The following GRIK1 variants were observed in gnomAD, a reference collection of about 807,000 sequenced individuals.
The protein encoded by GRIK1 is glutamate ionotropic receptor kainate type subunit 1.
A neutral mutation model predicts 105.7 loss-of-function variants in GRIK1; 69 were observed. The ratio of observed to expected loss-of-function variants is 0.65; its 90% CI spans 0.54 to 0.80. The LOEUF is 0.80. GRIK1 is among the 30% of genes least tolerant of loss of function. The probability of loss-of-function intolerance (pLI) is 0.00; values close to 1 mark genes in which losing one functional copy is unlikely to be tolerated. For synonymous variants in GRIK1, 438 were observed against 431.3 expected (o/e 1.02, Z -0.19); for missense variants, 1,109 against 1,167.3 (o/e 0.95, Z 0.73).
At chr21:29,553,164 A>C in intron 16 of GRIK1, 1 of 957,780 alleles carries the variant, frequency 1.0e-6, no homozygotes, top group Non-Finnish European at 1.2e-6. Context: ...AGAGGAGGGA[A>C]CAAAGTTCAC....
In GRIK1 at chr21:29,537,238, C is replaced by A. The variant is rs779975228; in HGVS notation, c.2842G>T (p.Val948Leu). Residue 948 changes from valine (V) to leucine (L), a missense_variant, in exon 18 of 18, where the codon GTG becomes TTG. Transcript: ENST00000327783. The stretch of plus-strand genomic sequence containing the variant: ...ACAGGCGTTTCCTTGGATCACGCCA[C>A]AGTCTCTTTTCTCTGAGTTCGTCTC... ...HQRRTQRKET[V>L]A 2.9e-5 allele frequency: 46 copies of A among 1,601,448 alleles called. No individual in the cohort carries two copies. The highest frequency in any genetic ancestry group is 3.7e-5 in the Non-Finnish European group (43 of 1,175,592).
intron 3 of GRIK1, among the ~76,000 whole-genome samples, chr21:29,680,723 T>C (rs1420101296): frequency 6.6e-6 from 1 of 152,262 alleles, no homozygotes; most frequent in Non-Finnish European, 1.5e-5. Context: ...CATTTCATCA[T>C]TGTTGTTGTT....
intron 1 of GRIK1, among the ~76,000 whole-genome samples, chr21:29,706,066 GT>G (rs1169950487): frequency 6.6e-6 from 1 of 151,898 alleles, no homozygotes; most frequent in Non-Finnish European, 1.5e-5. Flanking sequence ...TGGAGATGGG[GT>G]TTTGCCATGT....
intron 1 of GRIK1, among the ~76,000 whole-genome samples, chr21:29,798,098 C>A (rs939695548): frequency 1.3e-5 from 2 of 152,178 alleles, no homozygotes; most frequent in Non-Finnish European, 2.9e-5. Flanking sequence ...GTCCTGAATA[C>A]CGACTGGAAG....
chr21:29,579,215 A>G (rs886725312), intron 13 of GRIK1, among the ~76,000 whole-genome samples: 22 of 152,226 alleles, frequency 1.4e-4, no homozygotes. Flanking sequence ...AACCCTTGTT[A>G]GATGGCATCA....
At chr21:29,756,556 C>T (rs1016238644) in intron 1 of GRIK1, among the ~76,000 whole-genome samples, 10 of 152,006 alleles carry the variant, frequency 6.6e-5, no homozygotes, top group African/African-American at 2.2e-4. Flanking sequence ...TTCTCAGGTT[C>T]ACGCCTGGGT....
At chr21:29,844,489 C>T (rs2068064628) in intron 1 of GRIK1, among the ~76,000 whole-genome samples, 2 of 152,184 alleles carry the variant, frequency 1.3e-5, no homozygotes, top group South Asian at 2.1e-4. Context: ...GAAAGAGATG[C>T]TGAAGTGAAA....
chr21:29,932,432 A>C (rs186652275), intron 1 of GRIK1, among the ~76,000 whole-genome samples: 1 of 152,286 alleles, frequency 6.6e-6, no homozygotes, highest in East Asian at 1.9e-4. Flanking sequence ...ATATTGTCCA[A>C]GTAACTTGGG....
rs758707069 is a variant in GRIK1, at chr21:29,596,579, T to A, written c.1207-9A>T. On this transcript the variant is annotated splice_polypyrimidine_tract_variant and intron_variant, in intron 8 of 17. Transcript: ENST00000327783. ...GACACTTCGCCAGCAGCCTTGGTTT[T>A]CAGAGAGAAAAATAAAATAAAAACA... 2 of 1,601,714 alleles carry A rather than the reference T, an allele frequency of 1.2e-6. No individual in the cohort carries two copies. The highest frequency in any genetic ancestry group is 4.5e-5 in the East Asian group (2 of 44,812).
intron 7 of GRIK1, among the ~76,000 whole-genome samples, chr21:29,620,631 T>G (rs2061962662): frequency 1.3e-5 from 2 of 150,542 alleles, no homozygotes; most frequent in South Asian, 4.2e-4. Flanking sequence ...GAGGCTGAGA[T>G]ACCAGCAATT....
At chr21:29,751,831 T>G (rs1408943558) in intron 1 of GRIK1, among the ~76,000 whole-genome samples, 3 of 152,212 alleles carry the variant, frequency 2.0e-5, no homozygotes, top group African/African-American at 7.2e-5. Context: ...ATTATGATTG[T>G]TCCCATTATT....
At chr21:29,934,576 A>G (rs758254536) in intron 1 of GRIK1, among the ~76,000 whole-genome samples, 8 of 152,216 alleles carry the variant, frequency 5.3e-5, no homozygotes, top group Non-Finnish European at 1.0e-4. Context: ...TAAATTACTG[A>G]AAGTAAGTGT....
At chr21:29,541,164 C>T (rs963257968) in intron 16 of GRIK1, among the ~76,000 whole-genome samples, 2 of 152,162 alleles carry the variant, frequency 1.3e-5, no homozygotes, top group African/African-American at 4.8e-5. Flanking sequence ...GATGTGGTTT[C>T]ACCACGTTGG....
chr21:29,643,005 A>G, intron 6 of GRIK1, 36 bp from the exon 7 acceptor site: 1 of 1,598,992 alleles, frequency 6.3e-7, no homozygotes, highest in Non-Finnish European at 8.6e-7. Flanking sequence ...CTTAAATTCC[A>G]CTTTTGCTTA....
intron 1 of GRIK1, among the ~76,000 whole-genome samples, chr21:29,896,810 A>T (rs936708177): frequency 2.0e-4 from 30 of 152,282 alleles, no homozygotes; most frequent in African/African-American, 6.7e-4. Context: ...AACACTACAG[A>T]GCTGGAGAGA....
intron 1 of GRIK1, among the ~76,000 whole-genome samples, chr21:29,792,652 C>G (rs141953920): frequency 3.0e-4 from 45 of 152,274 alleles, no homozygotes; most frequent in African/African-American, 1.0e-3. Flanking sequence ...ATTAAATATG[C>G]CTGCTCTGAA....
intron 15 of GRIK1, among the ~76,000 whole-genome samples, chr21:29,556,401 C>T (rs1031956046): frequency 6.6e-5 from 10 of 152,126 alleles, no homozygotes; most frequent in African/African-American, 2.4e-4. Flanking sequence ...GATTGTCACC[C>T]TTTAATTATG....
chr21:29,648,438 T>A (rs1056675261), intron 6 of GRIK1, among the ~76,000 whole-genome samples: 1 of 152,240 alleles, frequency 6.6e-6, no homozygotes, highest in Non-Finnish European at 1.5e-5. Context: ...TCTGCACTTT[T>A]ATGGGACTAT....
At chr21:29,582,323 G>T (rs1274071442) in intron 12 of GRIK1, 1 of 469,600 alleles carries the variant, frequency 2.1e-6, no homozygotes, top group East Asian at 6.9e-5. Flanking sequence ...ACCATGGCCT[G>T]TGGTCACTTA....
Sources: gnomAD v4.1 joint callset for allele counts (sites outside exome capture counted in the v4.1 genomes callset) on GRCh38, gnomAD v4.1.1 for gene constraint, MANE v1.5 for transcripts, NCBI Gene and HGNC (gene_info 2026-07-23, HGNC 2026-07-21) for gene names.